CTNNA3: variants seen among roughly 807,000 people sequenced by gnomAD.
CTNNA3 encodes catenin alpha-3.
A neutral mutation model predicts 95.7 loss-of-function variants in CTNNA3; 76 were observed. That is an observed-to-expected ratio of 0.79 (90% CI 0.66 to 0.96). CTNNA3 has a LOEUF of 0.96. CTNNA3 is among the 40% of genes least tolerant of loss of function. CTNNA3 has a pLI of 0.00. For missense variants in CTNNA3, 1,191 were observed against 1,089.8 expected (o/e 1.09, Z -1.31); for synonymous variants, 431 against 374.4 (o/e 1.15, Z -1.74).
At chr10:66,980,975 C>T (rs1033485194) in intron 7 of CTNNA3, among the ~76,000 whole-genome samples, 3 of 152,006 alleles carry the variant, frequency 2.0e-5, no homozygotes, top group East Asian at 3.9e-4. Flanking sequence ...GGTGTGATTT[C>T]GGCTCACCCC....
chr10:67,668,558 G>A (rs1319369482), intron 1 of CTNNA3, among the ~76,000 whole-genome samples: 4 of 152,126 alleles, frequency 2.6e-5, no homozygotes, highest in South Asian at 2.1e-4. Context: ...GCTAGGCCAC[G>A]ACAGTCCATT....
chr10:66,693,194 A>G (rs980749740), intron 9 of CTNNA3, among the ~76,000 whole-genome samples: 1 of 152,152 alleles, frequency 6.6e-6, no homozygotes, highest in Middle Eastern at 3.2e-3. Flanking sequence ...AGACCCATCA[A>G]TGTGCTGTAT....
chr10:67,499,477 C>A (rs1053391309), intron 5 of CTNNA3, among the ~76,000 whole-genome samples: 2 of 152,130 alleles, frequency 1.3e-5, no homozygotes, highest in African/African-American at 2.4e-5. Context: ...CCCTCATTTT[C>A]TATTGTTTGG....
chr10:67,065,479 A>C (rs997106386), intron 7 of CTNNA3, among the ~76,000 whole-genome samples: 1 of 152,206 alleles, frequency 6.6e-6, no homozygotes, highest in East Asian at 1.9e-4. Context: ...GAAAAGTATT[A>C]TGACAGAAAC....
At chr10:66,975,359 G>C (rs1385844338) in intron 7 of CTNNA3, among the ~76,000 whole-genome samples, 1 of 152,172 alleles carries the variant, frequency 6.6e-6, no homozygotes, top group Non-Finnish European at 1.5e-5. Context: ...AGATGCCTAA[G>C]CATTGTAGGT....
intron 7 of CTNNA3, among the ~76,000 whole-genome samples, chr10:67,005,187 A>G (rs1428457698): frequency 6.6e-6 from 1 of 152,112 alleles, no homozygotes. Flanking sequence ...TATTTATTCC[A>G]TTTAAAGAAA....
chr10:66,187,890 G>GA (rs897705363), intron 13 of CTNNA3, among the ~76,000 whole-genome samples: 3 of 152,006 alleles, frequency 2.0e-5, no homozygotes, highest in Admixed American at 6.5e-5. Flanking sequence ...TTCACAGGGA[G>GA]AAAAAAAGCA....
At chr10:66,006,065 A>G (rs1414304532) in intron 15 of CTNNA3, among the ~76,000 whole-genome samples, 1 of 134,946 alleles carries the variant, frequency 7.4e-6, no homozygotes, top group Non-Finnish European at 1.5e-5. Flanking sequence ...CAGGCTGGAG[A>G]GCAGTGGCAC....
chr10:67,162,819 C>T (rs1255663869), intron 7 of CTNNA3, among the ~76,000 whole-genome samples: 1 of 151,720 alleles, frequency 6.6e-6, no homozygotes, highest in Non-Finnish European at 1.5e-5. Context: ...AAGGAAATAT[C>T]CTACAGGCAT....
At chr10:67,495,301 G>T (rs907234922) in intron 5 of CTNNA3, among the ~76,000 whole-genome samples, 8 of 151,930 alleles carry the variant, frequency 5.3e-5, no homozygotes, top group African/African-American at 1.9e-4. Flanking sequence ...CCACACTCTG[G>T]ACCTAAGACA....
At chr10:66,475,592 G>T (rs1839294550) in intron 11 of CTNNA3, among the ~76,000 whole-genome samples, 1 of 151,976 alleles carries the variant, frequency 6.6e-6, no homozygotes, top group Non-Finnish European at 1.5e-5. Flanking sequence ...TGTTCATGTG[G>T]CCAAAAAACA....
intron 13 of CTNNA3, among the ~76,000 whole-genome samples, chr10:66,177,001 A>G (rs1025823970): frequency 3.3e-5 from 5 of 152,132 alleles, no homozygotes; most frequent in African/African-American, 1.2e-4. Context: ...TCTTGAACTT[A>G]GAGAACTAAG....
At chr10:66,981,314 A>G (rs528564201) in intron 7 of CTNNA3, among the ~76,000 whole-genome samples, 3 of 152,250 alleles carry the variant, frequency 2.0e-5, no homozygotes, top group African/African-American at 7.2e-5. Context: ...CTTCATCTAT[A>G]TCTCTAAATA....
chr10:66,010,096 A>C (rs2078974987), intron 15 of CTNNA3, among the ~76,000 whole-genome samples: 1 of 152,044 alleles, frequency 6.6e-6, no homozygotes, highest in South Asian at 2.1e-4. Flanking sequence ...TTCATAATGG[A>C]TAATCATTTT....
At chr10:66,892,160 T>C (rs997034942) in intron 7 of CTNNA3, among the ~76,000 whole-genome samples, 1 of 152,036 alleles carries the variant, frequency 6.6e-6, no homozygotes, top group Non-Finnish European at 1.5e-5. Flanking sequence ...AGAACCCCTA[T>C]ATAAGAAAGG....
At chr10:67,492,361 A>AC (rs1032311813) in intron 5 of CTNNA3, among the ~76,000 whole-genome samples, 285 of 670 alleles carry the variant, frequency 0.43, 3 homozygotes, top group Admixed American at 0.49. Context: ...TGAAAGGCAG[A>AC]AATAGATTAC....
rs191406104 is a variant in CTNNA3 at position 65,984,409 on chromosome 10, A to C, written c.2265+4283T>G. Among the ~76,000 whole-genome samples, 362 of 151,490 alleles carry C rather than the reference A, an allele frequency of 2.4e-3. 2 individuals are homozygous for C. Among genetic ancestry groups the C allele is most frequent in the African/African-American group, 8.4e-3 (348 of 41,498 alleles). On this transcript the variant is annotated intron_variant, in intron 16 of 17. Coordinates refer to ENST00000433211, the MANE Select transcript of CTNNA3 (RefSeq NM_013266.4). ...TCATTCTCAGTTTTGATTACTTAGA[A>C]CTATATTTCTTCAGAACAAAAGTAA...
intron 10 of CTNNA3, among the ~76,000 whole-genome samples, chr10:66,586,111 G>T (rs981505486): frequency 1.3e-5 from 2 of 152,052 alleles, no homozygotes; most frequent in African/African-American, 4.8e-5. Flanking sequence ...GGGTGTGTGA[G>T]TAGGTTCACT....
At chr10:67,341,971 C>G (rs1178667609) in intron 5 of CTNNA3, among the ~76,000 whole-genome samples, 1 of 149,814 alleles carries the variant, frequency 6.7e-6, no homozygotes, top group Non-Finnish European at 1.5e-5. Flanking sequence ...TTCCATATGC[C>G]TTTTTGCCAT....
Sources: allele counts gnomAD v4.1 joint callset (sites outside exome capture counted in the v4.1 genomes callset), GRCh38; gene constraint gnomAD v4.1.1; transcripts MANE v1.5; gene names NCBI Gene and HGNC (gene_info 2026-07-23, HGNC 2026-07-21).